Variants in TPRG1 observed in about 807,000 individuals in gnomAD.
TPRG1 encodes the protein tumor protein p63-regulated gene 1 protein.
A neutral mutation model predicts 29.3 loss-of-function variants in TPRG1; 29 were observed. The ratio of observed to expected loss-of-function variants is 0.99; its 90% CI spans 0.74 to 1.35. The LOEUF is 1.35. Ranked by LOEUF, TPRG1 falls within the 40% of genes most tolerant of loss-of-function variation. TPRG1 has a pLI of 0.00. For missense variants in TPRG1, 327 were observed against 335.0 expected (o/e 0.98, Z 0.19); for synonymous variants, 130 against 116.8 (o/e 1.11, Z -0.73).
chr3:189,217,956 C>T, intron 3 of TPRG1: 1 of 985,278 alleles, frequency 1.0e-6, no homozygotes, highest in Non-Finnish European at 1.2e-6. Flanking sequence ...ACAGCAACCA[C>T]AAAACAAAAA....
intron 4 of TPRG1, among the ~76,000 whole-genome samples, chr3:189,036,209 A>G (rs1714258576): frequency 6.6e-6 from 1 of 152,164 alleles, no homozygotes; most frequent in African/African-American, 2.4e-5. Flanking sequence ...GGAGCTAAAC[A>G]TTGAGTACAC....
chr3:189,136,616 C>A (rs1032012642), intron 3 of TPRG1, among the ~76,000 whole-genome samples: 1 of 152,154 alleles, frequency 6.6e-6, no homozygotes, highest in African/African-American at 2.4e-5. Flanking sequence ...TTTAAGAATG[C>A]GGAAATTTCA....
intron 4 of TPRG1, among the ~76,000 whole-genome samples, chr3:189,256,688 C>G (rs540931708): frequency 6.6e-6 from 1 of 152,198 alleles, no homozygotes; most frequent in Non-Finnish European, 1.5e-5. Flanking sequence ...TCTGGGTGCT[C>G]CTGTATTGGG....
chr3:189,000,330 T>C (rs1169227642), intron 1 of TPRG1, among the ~76,000 whole-genome samples: 1 of 152,182 alleles, frequency 6.6e-6, no homozygotes, highest in Non-Finnish European at 1.5e-5. Flanking sequence ...ACATCAACCA[T>C]ATTTTTAAAG....
chr3:189,165,532 A>C (rs890284891), intron 5 of TPRG1, among the ~76,000 whole-genome samples: 5 of 151,896 alleles, frequency 3.3e-5, no homozygotes, highest in African/African-American at 1.2e-4. Flanking sequence ...GGGCCTGGGC[A>C]TGTGCATTTT....
intron 4 of TPRG1, among the ~76,000 whole-genome samples, chr3:189,032,102 T>C (rs927572417): frequency 6.6e-5 from 10 of 152,192 alleles, no homozygotes; most frequent in Non-Finnish European, 1.0e-4. Context: ...GCTTTGCCGA[T>C]GTGATTGAGT....
intron 4 of TPRG1, among the ~76,000 whole-genome samples, chr3:189,046,522 AC>A (rs1384691771): frequency 2.0e-5 from 3 of 152,214 alleles, no homozygotes; most frequent in South Asian, 4.1e-4. Context: ...TTAAAACCCA[AC>A]AGGGAAATAC....
intron 4 of TPRG1, among the ~76,000 whole-genome samples, chr3:189,290,085 G>T (rs1255027800): frequency 6.6e-6 from 1 of 152,192 alleles, no homozygotes. Context: ...AAGTGGTCAT[G>T]GCTCTATGGC....
intron 2 of TPRG1, among the ~76,000 whole-genome samples, chr3:189,004,151 A>C: frequency 6.6e-6 from 1 of 152,136 alleles, no homozygotes; most frequent in East Asian, 1.9e-4. Flanking sequence ...ATTTTTGGAA[A>C]TGGTAATGCA....
At chr3:189,148,835 A>G (rs981467164) in intron 4 of TPRG1, among the ~76,000 whole-genome samples, 6 of 152,234 alleles carry the variant, frequency 3.9e-5, no homozygotes, top group African/African-American at 1.4e-4. Flanking sequence ...GGATAAAACC[A>G]TAGTTCTTCT....
intron 2 of TPRG1, among the ~76,000 whole-genome samples, chr3:189,214,162 T>G (rs1327660839): frequency 1.3e-5 from 2 of 152,220 alleles, no homozygotes; most frequent in Non-Finnish European, 2.9e-5. Context: ...ATTATACTCA[T>G]CTTCACATAT....
At chr3:189,019,897 C>A (rs1180969134) in intron 3 of TPRG1, among the ~76,000 whole-genome samples, 1 of 151,048 alleles carries the variant, frequency 6.6e-6, no homozygotes, top group South Asian at 2.1e-4. Flanking sequence ...TTGATTATTG[C>A]CACAATTTCA....
chr3:189,133,125 C>T (rs1723293044), intron 3 of TPRG1, among the ~76,000 whole-genome samples: 1 of 152,066 alleles, frequency 6.6e-6, no homozygotes, highest in Admixed American at 6.6e-5. Flanking sequence ...CAGGATTTAG[C>T]AATGAGTCTA....
intron 2 of TPRG1, among the ~76,000 whole-genome samples, chr3:189,003,988 C>T (rs1446960469): frequency 6.6e-6 from 1 of 152,110 alleles, no homozygotes; most frequent in Non-Finnish European, 1.5e-5. Context: ...ATTAAATCTG[C>T]TCGCCATTTT....
chr3:189,109,108 G>T (rs1421344341), intron 1 of TPRG1, among the ~76,000 whole-genome samples: 1 of 152,050 alleles, frequency 6.6e-6, no homozygotes, highest in African/African-American at 2.4e-5. Flanking sequence ...ACAAGCAGAG[G>T]AGAGAGCAGA....
intron 3 of TPRG1, among the ~76,000 whole-genome samples, chr3:189,223,137 T>C (rs1040876231): frequency 1.3e-5 from 2 of 152,202 alleles, no homozygotes; most frequent in Non-Finnish European, 2.9e-5. Flanking sequence ...TAGTACAGTG[T>C]GTGGCACATG....
rs145811867 is a variant in TPRG1 at position 189,207,498 on chromosome 3, A to G, written c.114A>G (p.Pro38=). The G allele has an allele frequency of 2.2e-4, 351 of 1,613,984 alleles. No individual in the cohort carries two copies. Among genetic ancestry groups the G allele is most frequent in the Non-Finnish European group, 2.8e-4 (326 of 1,179,984 alleles). Residue 38 remains proline (P), a synonymous_variant, in exon 2 of 6, where the codon CCA becomes CCG. Coordinates refer to ENST00000345063, the MANE Select transcript of TPRG1 (RefSeq NM_198485.4). ...CGATGGAGGAAGAGGACCCGATGCCAAGACAGATTTCAAGGCAGTCAAGTG... is the reference window on the plus strand; with the variant it reads ...CGATGGAGGAAGAGGACCCGATGCCGAGACAGATTTCAAGGCAGTCAAGTG... ...HLSMEEEDPM[P]RQISRQSSVT...
At chr3:189,112,115 A>T (rs1172329973) in intron 1 of TPRG1, among the ~76,000 whole-genome samples, 1 of 152,054 alleles carries the variant, frequency 6.6e-6, no homozygotes, top group Non-Finnish European at 1.5e-5. Context: ...CTGATATTTG[A>T]ATATTGAAAC....
At chr3:189,035,661 A>G (rs963517670) in intron 4 of TPRG1, among the ~76,000 whole-genome samples, 27 of 152,310 alleles carry the variant, frequency 1.8e-4, no homozygotes, top group African/African-American at 5.5e-4. Context: ...ACATGTGACC[A>G]ACAAATATAT....
Sources: gnomAD v4.1 joint callset for allele counts (sites outside exome capture counted in the v4.1 genomes callset) on GRCh38, gnomAD v4.1.1 for gene constraint, MANE v1.5 for transcripts, NCBI Gene and HGNC (gene_info 2026-07-23, HGNC 2026-07-21) for gene names.